ITPR2: variants seen among roughly 807,000 people sequenced by gnomAD.
The protein encoded by ITPR2 is inositol 1,4,5-trisphosphate receptor type 2.
ITPR2 carries 207 observed loss-of-function variants against 317.1 expected under a neutral mutation model. The ratio of observed to expected loss-of-function variants is 0.65; its 90% confidence interval spans 0.58 to 0.73. The LOEUF is 0.73. ITPR2 is among the 30% of genes least tolerant of loss of function. ITPR2 has a pLI of 0.00. For missense variants in ITPR2, 2,613 were observed against 3,284.0 expected, an observed-to-expected ratio of 0.80 and a Z score of 4.99; for synonymous variants, 1,156 against 1,149.1, an observed-to-expected ratio of 1.01 and a Z score of -0.12.
At chr12:26,422,512 T>C (rs2055467) in intron 49 of ITPR2, among the ~76,000 whole-genome samples, 19,516 of 152,154 alleles carry the variant, frequency 0.13, 1,931 homozygotes, top group East Asian at 0.37. Context: ...TTTCTTGCTT[T>C]GGTAAACCCT....
intron 45 of ITPR2, among the ~76,000 whole-genome samples, chr12:26,456,817 C>T (rs769894520): frequency 6.6e-6 from 1 of 152,120 alleles, no homozygotes; most frequent in Non-Finnish European, 1.5e-5. Flanking sequence ...GGATTACAGG[C>T]ACTTGCCATC....
intron 55 of ITPR2, among the ~76,000 whole-genome samples, chr12:26,348,262 A>G (rs1034768938): frequency 1.3e-5 from 2 of 152,240 alleles, no homozygotes; most frequent in African/African-American, 4.8e-5. Flanking sequence ...AGGGAAAGAC[A>G]GCATTTCTTC....
intron 13 of ITPR2, among the ~76,000 whole-genome samples, chr12:26,670,943 G>C (rs1947754026): frequency 6.6e-6 from 1 of 152,142 alleles, no homozygotes; most frequent in South Asian, 2.1e-4. Context: ...GGAAGAAAGG[G>C]TATCAGCAAT....
chr12:26,719,853 T>C (rs1565716386), intron 5 of ITPR2, among the ~76,000 whole-genome samples: 1 of 152,180 alleles, frequency 6.6e-6, no homozygotes, highest in Non-Finnish European at 1.5e-5. Context: ...AGTTAAAATT[T>C]TCTCTTCATT....
At position 26,483,957 on chromosome 12, in the gene ITPR2, G is replaced by C. The variant is rs573395333; in HGVS notation, c.5812-59C>G. ...CAAAAATTCACTGTGCTGATTGTTT[G>C]CTGTTCTTCCCATATGTGTGCTTTT... On this transcript the variant is annotated intron_variant, in intron 41 of 56. Transcript: ENST00000381340. 2.3e-4 allele frequency: 327 copies of C among 1,413,088 alleles called. 3 individuals carry two copies. The African/African-American group carries it at 4.5e-3, about 19-fold the overall frequency. The allele number at this position is 1,413,088 out of a possible 1,614,324, so 87.5% of individuals were successfully genotyped here. A position where few individuals can be genotyped will look rare whatever the true frequency, so the allele number is the denominator to read the frequency against.
intron 47 of ITPR2, among the ~76,000 whole-genome samples, chr12:26,437,336 G>T (rs185805876): frequency 7.3e-4 from 111 of 152,304 alleles, no homozygotes; most frequent in Non-Finnish European, 1.2e-3. Context: ...TCAACCTAGT[G>T]CCTATTGCCT....
At chr12:26,524,992 T>TA (rs1256372578) in intron 37 of ITPR2, among the ~76,000 whole-genome samples, 3 of 152,238 alleles carry the variant, frequency 2.0e-5, no homozygotes, top group African/African-American at 7.2e-5. Flanking sequence ...AACATTTCTA[T>TA]AATTTAAAAC....
At chr12:26,651,414 G>C (rs1211175975) in intron 21 of ITPR2, among the ~76,000 whole-genome samples, 1 of 152,098 alleles carries the variant, frequency 6.6e-6, no homozygotes, top group Non-Finnish European at 1.5e-5. Context: ...AAAAATAAAT[G>C]AATAAATAAA....
chr12:26,571,210 C>T (rs1408485845), intron 34 of ITPR2, among the ~76,000 whole-genome samples: 1 of 152,172 alleles, frequency 6.6e-6, no homozygotes, highest in African/African-American at 2.4e-5. Context: ...AAAAATCTAA[C>T]ATGATATACA....
At position 26,621,275 on chromosome 12, in the gene ITPR2, G is replaced by T; in HGVS notation, c.3310C>A (p.Gln1104Lys). 1 of 1,611,114 alleles carries T rather than the reference G, an allele frequency of 6.2e-7. No homozygotes were observed. Among genetic ancestry groups the T allele is most frequent in the Non-Finnish European group, 8.5e-7 (1 of 1,178,726 alleles). The change falls in exon 26 of 57, where the codon CAA (glutamine) becomes AAA (lysine). Residue 1104 changes from glutamine to lysine, a missense_variant. Coordinates refer to ENST00000381340, the MANE Select transcript of ITPR2 (RefSeq NM_002223.4). The stretch of plus-strand genomic sequence containing the variant: ...ATTTGCTTGTAGTTATCTACGTCTT[G>T]ATTAGACACCAGTAATTGCACCTAA... ...FKQVQLLVSN[Q>K]DVDNYKQIKA...
intron 15 of ITPR2, 102 bp from the exon 16 acceptor site, chr12:26,659,387 T>G (rs1489043894): frequency 1.9e-6 from 2 of 1,030,594 alleles, no homozygotes; most frequent in African/African-American, 1.7e-5. Flanking sequence ...CAACAGAAGG[T>G]TCACTAAAAA....
chr12:26,428,192 T>A, intron 48 of ITPR2, 104 bp from the exon 49 acceptor site: 1 of 786,870 alleles, frequency 1.3e-6, no homozygotes, highest in Non-Finnish European at 1.8e-6. Flanking sequence ...AAAGCCATAA[T>A]CCAGTAAATT....
chr12:26,753,870 C>G (rs1949474726), intron 2 of ITPR2, among the ~76,000 whole-genome samples: 1 of 152,158 alleles, frequency 6.6e-6, no homozygotes, highest in African/African-American at 2.4e-5. Context: ...AGGTTTCCCT[C>G]TTGTCTTGTA....
In ITPR2 at chr12:26,724,714, TTTTG is replaced by T; in HGVS notation, c.304_307del (p.Gln102MetfsTer13). The T allele has an allele frequency of 3.1e-6, 5 of 1,606,482 alleles. No individual in the cohort carries two copies. Among genetic ancestry groups the T allele is most frequent in the Non-Finnish European group, 3.4e-6 (4 of 1,174,596 alleles). On this transcript the variant is annotated frameshift_variant, in exon 4 of 57. Transcript: ENST00000381340. LOFTEE classifies it high-confidence loss of function. ...CAACAGTTTCTTATTCTCCGATTCA[TTTTG>T]TTTTTGTTCCAGTTCTGCAGCGTGC...
intron 2 of ITPR2, among the ~76,000 whole-genome samples, chr12:26,736,030 C>T (rs950448430): frequency 6.6e-6 from 1 of 152,166 alleles, no homozygotes; most frequent in Non-Finnish European, 1.5e-5. Flanking sequence ...CTATTAGCTA[C>T]TATAAGGAAG....
At chr12:26,652,414 C>T (rs916258116) in intron 21 of ITPR2, among the ~76,000 whole-genome samples, 2 of 152,188 alleles carry the variant, frequency 1.3e-5, no homozygotes, top group Non-Finnish European at 2.9e-5. Flanking sequence ...GTAAGTTGCT[C>T]ATTTATAATT....
rs763808628 is a variant in ITPR2 at position 26,335,795 on chromosome 12, A to T, written c.*3602T>A. On this transcript the variant is annotated 3_prime_UTR_variant, in exon 57 of 57. Coordinates refer to ENST00000381340, the MANE Select transcript of ITPR2 (RefSeq NM_002223.4). ...TCCCTGCATTTGGTGTGCACCTCACAATTTCATGCAATTTAGTGACTTGCC... is the reference window on the plus strand; with the variant it reads ...TCCCTGCATTTGGTGTGCACCTCACTATTTCATGCAATTTAGTGACTTGCC... 6 of 152,172 alleles carry T rather than the reference A, an allele frequency of 3.9e-5. No homozygotes were observed. Among genetic ancestry groups the T allele is most frequent in the Non-Finnish European group, 8.8e-5 (6 of 68,024 alleles). The allele number at this position is 152,172 out of a possible 1,614,324, so 9.4% of individuals were successfully genotyped here. A position where few individuals can be genotyped will look rare whatever the true frequency, so the allele number is the denominator to read the frequency against.
intron 9 of ITPR2, among the ~76,000 whole-genome samples, chr12:26,697,361 G>T (rs1238219222): frequency 6.6e-6 from 1 of 152,158 alleles, no homozygotes; most frequent in Non-Finnish European, 1.5e-5. Context: ...TTAGAACAAG[G>T]GAGATTCCTT....
At chr12:26,629,378 C>G (rs1946693693) in intron 22 of ITPR2, among the ~76,000 whole-genome samples, 1 of 152,048 alleles carries the variant, frequency 6.6e-6, no homozygotes, top group Non-Finnish European at 1.5e-5. Flanking sequence ...CTTGACCTCA[C>G]GAATTCAAGA....
Sources: gnomAD v4.1 joint callset for allele counts (sites outside exome capture counted in the v4.1 genomes callset) on GRCh38, gnomAD v4.1.1 for gene constraint, MANE v1.5 for transcripts, NCBI Gene and HGNC (gene_info 2026-07-23, HGNC 2026-07-21) for gene names.